The following MYO18B variants were observed in gnomAD, a reference collection of about 807,000 sequenced individuals.
MYO18B encodes myosin XVIIIB, also known as unconventional myosin-XVIIIb.
Under a neutral mutation model 273.0 loss-of-function variants are expected in MYO18B, and 204 were observed. The ratio of observed to expected loss-of-function variants is 0.75; its 90% confidence interval spans 0.67 to 0.84. MYO18B has a LOEUF of 0.84. Ranked by LOEUF, MYO18B falls within the 40% of genes least tolerant of loss-of-function variation. MYO18B has a pLI of 0.00. For synonymous variants in MYO18B, 1,330 were observed against 1,305.7 expected (o/e 1.02, Z -0.40); for missense variants, 3,212 against 3,287.6 (o/e 0.98, Z 0.56).
the MYO18B span, among the ~76,000 whole-genome samples, chr22:26,043,677 AT>A: frequency 8.1e-5 from 12 of 147,374 alleles, no homozygotes; most frequent in Admixed American, 2.0e-4. Flanking sequence ...CGTCCGGCTA[AT>A]TTTTTTTTTG....
At chr22:25,841,063 C>G (rs1270349549) in intron 17 of MYO18B, among the ~76,000 whole-genome samples, 1 of 152,232 alleles carries the variant, frequency 6.6e-6, no homozygotes, top group Non-Finnish European at 1.5e-5. Flanking sequence ...GCTCGCTGTT[C>G]ATGACCTCAT....
chr22:25,801,740 G>A (rs763631032), intron 12 of MYO18B, among the ~76,000 whole-genome samples: 4 of 152,146 alleles, frequency 2.6e-5, no homozygotes, highest in South Asian at 2.1e-4. Flanking sequence ...TTATAGACCC[G>A]ATGATGTCAC....
intron 12 of MYO18B, 84 bp downstream of exon 12, chr22:25,798,181 G>A: frequency 6.9e-7 from 1 of 1,449,774 alleles, no homozygotes; most frequent in South Asian, 1.4e-5. Context: ...TCGGAGCGGT[G>A]GGAACAGGGT....
intron 1 of MYO18B, among the ~76,000 whole-genome samples, chr22:25,756,986 A>G (rs1045131527): frequency 6.6e-6 from 1 of 152,140 alleles, no homozygotes; most frequent in Admixed American, 6.5e-5. Flanking sequence ...ACTTGAACCC[A>G]GGAGATGGAG....
At chr22:25,742,463 G>T (rs1044121539) in intron 1 of MYO18B, among the ~76,000 whole-genome samples, 170 bp downstream of exon 1, 1 of 152,074 alleles carries the variant, frequency 6.6e-6, no homozygotes, top group Non-Finnish European at 1.5e-5. Context: ...CCTGTTGCCC[G>T]TGCTGCTCAC....
At chr22:25,921,035 G>A (rs2092332548) in intron 33 of MYO18B, among the ~76,000 whole-genome samples, 1 of 152,166 alleles carries the variant, frequency 6.6e-6, no homozygotes, top group Non-Finnish European at 1.5e-5. Flanking sequence ...TCAAGCATTA[G>A]GCTAGGCATG....
In MYO18B at chr22:25,833,244, G is replaced by A. The variant is rs4822660; in HGVS notation, c.3060+247G>A. Among the ~76,000 whole-genome samples the A allele has an allele frequency of 0.27, 40,325 of 152,122 alleles. 6,583 individuals carry two copies. Among genetic ancestry groups the A allele is most frequent in the Non-Finnish European group, 0.35 (24,026 of 67,966 alleles). ...AGAACTGCTGCTGTCCTTTATGTCT[G>A]AGTCTATGTCTTAGAATAGACTCGT... On this transcript the variant is annotated intron_variant, in intron 16 of 43. Coordinates refer to ENST00000335473, the MANE Select transcript of MYO18B (RefSeq NM_032608.7).
chr22:25,890,103 T>C (rs571699052), intron 25 of MYO18B, among the ~76,000 whole-genome samples: 1 of 152,374 alleles, frequency 6.6e-6, no homozygotes, highest in African/African-American at 2.4e-5. Context: ...CAACCTAGTT[T>C]TCATGGAAAC....
chr22:25,948,482 CT>C (rs2092750054), intron 36 of MYO18B, among the ~76,000 whole-genome samples: 1 of 98,892 alleles, frequency 1.0e-5, no homozygotes, highest in African/African-American at 3.6e-5. Flanking sequence ...TTCTTTCTTT[CT>C]TTCTCTTTCT....
At chr22:25,765,428 C>T (rs187863967) in intron 3 of MYO18B, among the ~76,000 whole-genome samples, 32 of 152,258 alleles carry the variant, frequency 2.1e-4, no homozygotes, top group Admixed American at 2.0e-3. Context: ...GAATGGAAAA[C>T]AAGGCTTGGG....
intron 28 of MYO18B, chr22:25,896,277 T>G (rs1221417066): frequency 2.0e-5 from 3 of 152,192 alleles, no homozygotes; most frequent in Non-Finnish European, 4.4e-5. Context: ...TCTTACCACC[T>G]TCCAGGCCAG....
At chr22:25,856,901 T>G (rs543236414) in intron 21 of MYO18B, among the ~76,000 whole-genome samples, 1 of 152,272 alleles carries the variant, frequency 6.6e-6, no homozygotes, top group African/African-American at 2.4e-5. Flanking sequence ...TGACTTGAAC[T>G]GGCTTCAGCA....
chr22:25,897,259 C>G (rs1364947837), intron 28 of MYO18B: 1 of 152,206 alleles, frequency 6.6e-6, no homozygotes, highest in African/African-American at 2.4e-5. Flanking sequence ...ATTTGTGTAT[C>G]TATTCTATTC....
intron 40 of MYO18B, among the ~76,000 whole-genome samples, chr22:25,994,237 C>T (rs1370159122): frequency 2.0e-5 from 3 of 152,136 alleles, no homozygotes; most frequent in Non-Finnish European, 4.4e-5. Flanking sequence ...GAAGCTAAGG[C>T]GGGAGGATCA....
chr22:25,910,830 C>T, intron 32 of MYO18B, 116 bp from the exon 33 acceptor site: 1 of 795,350 alleles, frequency 1.3e-6, no homozygotes, highest in Non-Finnish European at 2.1e-6. Context: ...AGGGCAGCCT[C>T]ATGGAACAAA....
chr22:25,905,020 T>C (rs957531382), intron 31 of MYO18B, among the ~76,000 whole-genome samples: 2 of 152,020 alleles, frequency 1.3e-5, no homozygotes. Context: ...TCTTGTGGGA[T>C]TTTGTAAAAG....
rs1204358010 is a variant in MYO18B at position 25,895,279 on chromosome 22, A to T, written c.4667A>T (p.Lys1556Met). ...ACAGCCAGGAAAGAGCTGGAGCAAA[A>T]GGTAAGATGTGGGGATAGTCTGGGC... is the stretch of plus-strand genomic sequence containing the variant. Reference protein sequence around the residue: ...ELTARKELEQKLGELQSAYDG... With the variant: ...ELTARKELEQMLGELQSAYDG... The change falls in exon 28 of 44, where the codon AAG (lysine) becomes ATG (methionine). Residue 1556 changes from lysine to methionine, a missense_variant and splice_region_variant. Transcript: ENST00000335473. The T allele has an allele frequency of 6.3e-7, 1 of 1,596,152 alleles. No individual in the cohort carries two copies. Among genetic ancestry groups the T allele is most frequent in the South Asian group, 1.1e-5 (1 of 87,694 alleles).
the MYO18B span, among the ~76,000 whole-genome samples, chr22:26,046,369 C>A: frequency 1.3e-5 from 2 of 152,188 alleles, no homozygotes; most frequent in Non-Finnish European, 2.9e-5. Context: ...TTCTAACTTG[C>A]ACTAACTCAG....
intron 21 of MYO18B, among the ~76,000 whole-genome samples, chr22:25,856,241 G>A (rs142431430): frequency 2.6e-4 from 40 of 152,290 alleles, no homozygotes; most frequent in Middle Eastern, 3.4e-3. Context: ...ATGCTAATGG[G>A]TGTGAGATAG....
Sources: gnomAD v4.1 joint callset for allele counts (sites outside exome capture counted in the v4.1 genomes callset) on GRCh38, gnomAD v4.1.1 for gene constraint, MANE v1.5 for transcripts, NCBI Gene and HGNC (gene_info 2026-07-23, HGNC 2026-07-21) for gene names.